Variants in FGF12 observed in about 807,000 individuals in gnomAD.
FGF12 encodes fibroblast growth factor 12.
FGF12 carries 14 observed loss-of-function variants against 23.6 expected under a neutral mutation model. The observed-to-expected ratio is 0.59, with a 90% confidence interval of 0.39 to 0.93. FGF12 has a LOEUF of 0.93. Among genes scored for constraint, FGF12 ranks in the 40% least tolerant of loss-of-function variants. The probability of loss-of-function intolerance (pLI) is 0.00; values close to 1 mark genes in which losing one functional copy is unlikely to be tolerated. For synonymous variants in FGF12, 62 were observed against 77.3 expected (o/e 0.80, Z 1.04); for missense variants, 175 against 217.8 (o/e 0.80, Z 1.24).
chr3:192,159,656 G>C (rs1021124261), intron 5 of FGF12, among the ~76,000 whole-genome samples: 1 of 152,166 alleles, frequency 6.6e-6, no homozygotes, highest in Non-Finnish European at 1.5e-5. Flanking sequence ...CATTTGAAAA[G>C]TAGTCATAGA....
intron 4 of FGF12, among the ~76,000 whole-genome samples, chr3:192,241,177 G>A (rs1425005941): frequency 1.3e-5 from 2 of 152,138 alleles, no homozygotes; most frequent in South Asian, 2.1e-4. Flanking sequence ...TGAACAGAAA[G>A]ATATTTTTGG....
chr3:192,542,028 A>C (rs1359914640), intron 2 of FGF12, among the ~76,000 whole-genome samples: 3 of 137,688 alleles, frequency 2.2e-5, no homozygotes, highest in Non-Finnish European at 4.7e-5. Context: ...CATGCCTGGC[A>C]TTTTTTTTTT....
At chr3:192,362,065 CAT>C (rs1321471338) in intron 2 of FGF12, among the ~76,000 whole-genome samples, 2 of 152,188 alleles carry the variant, frequency 1.3e-5, no homozygotes, top group Non-Finnish European at 2.9e-5. Flanking sequence ...TTTGTTCCTT[CAT>C]ATGAGTCTCT....
intron 2 of FGF12, among the ~76,000 whole-genome samples, chr3:192,411,368 T>C (rs935414362): frequency 6.6e-6 from 1 of 152,146 alleles, no homozygotes; most frequent in Admixed American, 6.5e-5. Flanking sequence ...CAAGACATCC[T>C]GAGGAAAGGG....
chr3:192,281,076 T>C (rs994406425), intron 4 of FGF12, among the ~76,000 whole-genome samples: 3 of 152,056 alleles, frequency 2.0e-5, no homozygotes, highest in Non-Finnish European at 2.9e-5. Flanking sequence ...GTGTGTGGGG[T>C]ATATTAGTTT....
chr3:192,406,752 C>G lies in FGF12; in HGVS notation c.14-46214G>C, dbSNP rs118054072. Among the ~76,000 whole-genome samples the G allele has an allele frequency of 4.2e-3, 640 of 152,230 alleles. 9 individuals carry two copies. Among genetic ancestry groups the G allele is most frequent in the East Asian group, 0.019 (99 of 5,172 alleles). The stretch of plus-strand genomic sequence containing the variant: ...AACCCAACGGAAAATGAAACAGGGT[C>G]GCTTCTTCACAAGGCTTAACCCCAA... On this transcript the variant is annotated intron_variant, in intron 2 of 5. Transcript: ENST00000445105.
chr3:192,615,654 A>G (rs1714727854), intron 2 of FGF12, among the ~76,000 whole-genome samples: 1 of 152,122 alleles, frequency 6.6e-6, no homozygotes, highest in African/African-American at 2.4e-5. Context: ...AGAAGTGCTC[A>G]AAATATATAT....
intron 5 of FGF12, among the ~76,000 whole-genome samples, chr3:192,166,268 G>A (rs751844252): frequency 6.6e-5 from 10 of 152,158 alleles, no homozygotes; most frequent in Non-Finnish European, 1.0e-4. Context: ...CACATAGGAG[G>A]CAGAAGAGAA....
intron 2 of FGF12, among the ~76,000 whole-genome samples, chr3:192,715,183 A>G (rs955391961): frequency 5.3e-5 from 8 of 152,218 alleles, no homozygotes; most frequent in African/African-American, 1.9e-4. Flanking sequence ...TACAGTAGTC[A>G]ATGTTTTTGA....
chr3:192,346,660 A>AC (rs1717979040), intron 3 of FGF12, among the ~76,000 whole-genome samples: 1 of 152,180 alleles, frequency 6.6e-6, no homozygotes, highest in South Asian at 2.1e-4. Context: ...ATTAATGAAA[A>AC]TAAAGCATGC....
chr3:192,382,687 C>T (rs950382965), intron 2 of FGF12, among the ~76,000 whole-genome samples: 5 of 152,134 alleles, frequency 3.3e-5, no homozygotes, highest in Non-Finnish European at 5.9e-5. Flanking sequence ...AATTGTGTGA[C>T]AGTCATAATT....
chr3:192,199,349 C>T (rs146123925), intron 4 of FGF12, among the ~76,000 whole-genome samples: 206 of 152,324 alleles, frequency 1.4e-3, no homozygotes, highest in African/African-American at 4.9e-3. Context: ...TAACGTTTCA[C>T]TCAAGGATAG....
intron 2 of FGF12, among the ~76,000 whole-genome samples, chr3:192,607,357 T>C (rs1283681727): frequency 6.6e-6 from 1 of 151,920 alleles, no homozygotes; most frequent in Non-Finnish European, 1.5e-5. Context: ...AGAAAGAAAA[T>C]TGAGGCCTGG....
At chr3:192,470,967 C>A (rs551491076) in intron 2 of FGF12, among the ~76,000 whole-genome samples, 12 of 152,156 alleles carry the variant, frequency 7.9e-5, no homozygotes, top group Non-Finnish European at 1.6e-4. Flanking sequence ...TCTTGCCTGA[C>A]CACCTATTGA....
chr3:192,432,906 T>C (rs546321211), intron 2 of FGF12, among the ~76,000 whole-genome samples: 1 of 152,302 alleles, frequency 6.6e-6, no homozygotes, highest in East Asian at 1.9e-4. Context: ...AGAGAACTAT[T>C]ACACCTTCCC....
chr3:192,188,082 A>G (rs1378247593), intron 4 of FGF12, among the ~76,000 whole-genome samples: 1 of 152,210 alleles, frequency 6.6e-6, no homozygotes, highest in Non-Finnish European at 1.5e-5. Flanking sequence ...GGCCTCATGT[A>G]TTTATTCATC....
intron 2 of FGF12, among the ~76,000 whole-genome samples, chr3:192,524,278 T>A (rs1467909839): frequency 6.6e-6 from 1 of 152,228 alleles, no homozygotes; most frequent in African/African-American, 2.4e-5. Context: ...CCCTGGAAAT[T>A]GAATTTTCTC....
chr3:192,455,860 C>G (rs1038790933), intron 2 of FGF12, among the ~76,000 whole-genome samples: 5 of 152,154 alleles, frequency 3.3e-5, no homozygotes, highest in African/African-American at 1.2e-4. Context: ...CCATTGGTCC[C>G]TCAAACACAA....
At chr3:192,208,121 A>G (rs1394994556) in intron 4 of FGF12, among the ~76,000 whole-genome samples, 1 of 152,228 alleles carries the variant, frequency 6.6e-6, no homozygotes, top group East Asian at 1.9e-4. Context: ...AGAAAATCCT[A>G]AAGATGTACT....
Sources: gnomAD v4.1 joint callset for allele counts (sites outside exome capture counted in the v4.1 genomes callset) on GRCh38, gnomAD v4.1.1 for gene constraint, MANE v1.5 for transcripts, NCBI Gene and HGNC (gene_info 2026-07-23, HGNC 2026-07-21) for gene names.